Variants in TC2N observed in about 807,000 individuals in gnomAD.
TC2N encodes the protein tandem C2 domains nuclear protein.
A neutral mutation model predicts 61.9 loss-of-function variants in TC2N; 51 were observed. The observed-to-expected ratio is 0.82, with a 90% CI of 0.66 to 1.04. TC2N has a LOEUF of 1.04. TC2N is among the 50% of genes least tolerant of loss of function. The pLI, the probability that TC2N is intolerant of heterozygous loss-of-function variation, is 0.00. For missense variants in TC2N, 556 were observed against 566.7 expected (o/e 0.98, Z 0.19); for synonymous variants, 204 against 192.6 (o/e 1.06, Z -0.49).
At chr14:91,826,092 G>A (rs1270630852) in intron 1 of TC2N, among the ~76,000 whole-genome samples, 1 of 152,136 alleles carries the variant, frequency 6.6e-6, no homozygotes, top group Non-Finnish European at 1.5e-5. Context: ...GCCGAGGCAG[G>A]AGGATCATTT....
In TC2N at chr14:91,812,469, AG is replaced by A. The variant is rs1438745308; in HGVS notation, c.143del (p.Ser48LeufsTer4). On this transcript the variant is annotated frameshift_variant, in exon 3 of 12. Coordinates refer to ENST00000435962, the MANE Select transcript of TC2N (RefSeq NM_001128596.3). LOFTEE classifies it high-confidence loss of function. ...AGCCAAGCTGAGGCTTTACAGAAAC[AG>A]AAGTCAATGGAGGTACAGAGATAGT... ...NATISVPPLTSVSVKPQLGCT... is the reference protein window; with the variant it reads ...NATISVPPLTXVSVKPQLGCT... The A allele has an allele frequency of 2.5e-6, 4 of 1,612,436 alleles. No homozygotes were observed. The highest frequency in any genetic ancestry group is 3.4e-6 in the Non-Finnish European group (4 of 1,178,804).
At chr14:91,810,094 G>C (rs1886696507) in intron 3 of TC2N, among the ~76,000 whole-genome samples, 2 of 152,190 alleles carry the variant, frequency 1.3e-5, no homozygotes, top group East Asian at 1.9e-4. Flanking sequence ...AATCATGGCA[G>C]AAGGCAAAAA....
At chr14:91,830,390 T>C (rs1206932988) in intron 1 of TC2N, among the ~76,000 whole-genome samples, 3 of 152,200 alleles carry the variant, frequency 2.0e-5, no homozygotes, top group South Asian at 4.1e-4. Flanking sequence ...GAAGTACTGA[T>C]TCACACTACA....
At chr14:91,789,325 G>A (rs1226201976) in intron 9 of TC2N, among the ~76,000 whole-genome samples, 5 of 151,376 alleles carry the variant, frequency 3.3e-5, no homozygotes, top group Admixed American at 6.6e-5. Context: ...GGCCAGGTGC[G>A]GTGGCTCACG....
chr14:91,794,968 C>CA (rs1055706705), intron 8 of TC2N, among the ~76,000 whole-genome samples: 2 of 151,818 alleles, frequency 1.3e-5, no homozygotes, highest in African/African-American at 4.8e-5. Context: ...CATGAAAGGT[C>CA]AAAAAAAGGA....
At chr14:91,856,922 G>A (rs1222423471) in intron 1 of TC2N, among the ~76,000 whole-genome samples, 1 of 152,168 alleles carries the variant, frequency 6.6e-6, no homozygotes, top group Admixed American at 6.5e-5. Context: ...GGAGAGCCCC[G>A]TGGATTAAGC....
rs1295101132 is a variant in TC2N, at chr14:91,780,121, G to T, written c.*2979C>A. 6.6e-6 allele frequency: 1 copy of T among 152,088 alleles called. No individual in the cohort carries two copies. The highest frequency in any genetic ancestry group is 1.5e-5 in the Non-Finnish European group (1 of 68,020). 9.4% of individuals were successfully genotyped at this position (152,088 alleles called of 1,614,324 possible). ...AAGATAACATTAGAAAGTGTCTTCA[G>T]ACATTTTATCAGGTATTTTCCTCAT... On this transcript the variant is annotated 3_prime_UTR_variant, in exon 12 of 12. Coordinates refer to ENST00000435962, the MANE Select transcript of TC2N (RefSeq NM_001128596.3).
At chr14:91,856,996 T>C (rs1888496296) in intron 1 of TC2N, among the ~76,000 whole-genome samples, 1 of 152,164 alleles carries the variant, frequency 6.6e-6, no homozygotes, top group Middle Eastern at 3.2e-3. Flanking sequence ...AAAGATCCTG[T>C]GGTTTATGAG....
chr14:91,856,550 G>A (rs979505250), intron 1 of TC2N, among the ~76,000 whole-genome samples: 2 of 151,816 alleles, frequency 1.3e-5, no homozygotes, highest in East Asian at 3.9e-4. Flanking sequence ...AGGGAGAGCT[G>A]TGCCTGGGAG....
intron 1 of TC2N, among the ~76,000 whole-genome samples, chr14:91,865,389 TTA>T (rs1491213094): frequency 4.3e-4 from 62 of 144,868 alleles, no homozygotes; most frequent in African/African-American, 1.1e-3. Context: ...TTTTTTTTTT[TTA>T]AAAAAACATC....
intron 1 of TC2N, among the ~76,000 whole-genome samples, chr14:91,816,834 A>G (rs892115735): frequency 3.7e-4 from 56 of 151,926 alleles, no homozygotes; most frequent in African/African-American, 1.2e-3. Context: ...TCCATATGCA[A>G]TTGGGTTTAT....
rs978771256 is a variant in TC2N at position 91,822,961 on chromosome 14, T to C, written c.-56-9136A>G. On this transcript the variant is annotated intron_variant, in intron 1 of 11. Coordinates refer to ENST00000435962, the MANE Select transcript of TC2N (RefSeq NM_001128596.3). ...CGATCTCCTGACCTCGTGATCCGCC[T>C]GCTTCAGCCTCCCAAAGTGCTGGGA... Among the ~76,000 whole-genome samples, 41 of 151,758 alleles carry C rather than the reference T, an allele frequency of 2.7e-4. 1 individual carries two copies. Among genetic ancestry groups the C allele is most frequent in the Non-Finnish European group, 4.4e-5 (3 of 67,920 alleles).
intron 1 of TC2N, among the ~76,000 whole-genome samples, chr14:91,863,934 G>A (rs975478636): frequency 2.0e-5 from 3 of 151,650 alleles, no homozygotes; most frequent in Non-Finnish European, 4.4e-5. Context: ...CGAGGCTGCA[G>A]TAAGCTATGA....
At chr14:91,842,470 G>A (rs1888181870) in intron 1 of TC2N, among the ~76,000 whole-genome samples, 1 of 152,170 alleles carries the variant, frequency 6.6e-6, no homozygotes, top group South Asian at 2.1e-4. Context: ...TTAGAAACTT[G>A]TTCCTTTTCT....
chr14:91,848,115 T>C (rs1052334096), intron 1 of TC2N, among the ~76,000 whole-genome samples: 5 of 152,224 alleles, frequency 3.3e-5, no homozygotes. Context: ...ATGCTTATTT[T>C]TGAACCAATA....
intron 1 of TC2N, among the ~76,000 whole-genome samples, chr14:91,828,234 A>G (rs1887587286): frequency 6.6e-6 from 1 of 152,188 alleles, no homozygotes. Context: ...ACAAAAGTAT[A>G]GCAAATATAA....
At chr14:91,789,298 C>G (rs1251231448) in intron 9 of TC2N, among the ~76,000 whole-genome samples, 1 of 151,022 alleles carries the variant, frequency 6.6e-6, no homozygotes, top group Admixed American at 6.6e-5. Context: ...AAAAACTGTT[C>G]AAAGAGTTAA....
chr14:91,861,713 A>C (rs1888591544), intron 1 of TC2N, among the ~76,000 whole-genome samples: 1 of 152,116 alleles, frequency 6.6e-6, no homozygotes, highest in Non-Finnish European at 1.5e-5. Flanking sequence ...ACCTGAGGTC[A>C]GGAGTTCGAG....
chr14:91,844,290 A>G (rs973074722), intron 1 of TC2N, among the ~76,000 whole-genome samples: 2 of 152,186 alleles, frequency 1.3e-5, no homozygotes, highest in Non-Finnish European at 2.9e-5. Context: ...ACTCCTGTTC[A>G]TCTCATATTG....
Sources: allele counts gnomAD v4.1 joint callset (sites outside exome capture counted in the v4.1 genomes callset), GRCh38; gene constraint gnomAD v4.1.1; transcripts MANE v1.5; gene names NCBI Gene and HGNC (gene_info 2026-07-23, HGNC 2026-07-21).